Variants in FANCL observed in about 807,000 individuals in gnomAD.
The protein encoded by FANCL is E3 ubiquitin-protein ligase FANCL.
Under a neutral mutation model 59.4 loss-of-function variants are expected in FANCL, and 69 were observed. The observed-to-expected ratio is 1.16, with a 90% CI of 0.96 to 1.42. The LOEUF is 1.42. Ranked by LOEUF, FANCL falls within the 40% of genes most tolerant of loss-of-function variation. The probability of loss-of-function intolerance (pLI) is 0.00; values close to 1 mark genes in which losing one functional copy is unlikely to be tolerated. For missense variants in FANCL, 519 were observed against 447.2 expected (o/e 1.16, Z -1.45); for synonymous variants, 180 against 147.1 (o/e 1.22, Z -1.62).
chr2:58,182,329 T>C (rs1688011892), intron 7 of FANCL, among the ~76,000 whole-genome samples: 1 of 151,820 alleles, frequency 6.6e-6, no homozygotes, highest in South Asian at 2.1e-4. Context: ...CAAGTGATTC[T>C]AATGTGCAGA....
At chr2:58,168,960 T>C (rs561473848) in intron 7 of FANCL, among the ~76,000 whole-genome samples, 8 of 152,252 alleles carry the variant, frequency 5.3e-5, no homozygotes, top group South Asian at 2.1e-4. Flanking sequence ...CAGAGGCTTA[T>C]AGATAAAACT....
rs756487177 is a variant in FANCL at position 58,241,278 on chromosome 2, G to T, written c.36C>A (p.Cys12Ter). Reference sequence around the variant, plus strand: ...ACCGGTTCTGGGGCAGAAGCAGGGGGCACTGGCGCAACAGGCTCGCTTCCG... The same window carrying T: ...ACCGGTTCTGGGGCAGAAGCAGGGGTCACTGGCGCAACAGGCTCGCTTCCG... ...AVTEASLLRQ[C>*]PLLLPQNRSK... Residue 12 changes from cysteine (C) to a stop codon, truncating the protein, a stop_gained, in exon 1 of 14, where the codon TGC (cysteine) becomes TGA (stop). Coordinates refer to ENST00000233741, the MANE Select transcript of FANCL (RefSeq NM_018062.4). LOFTEE classifies it high-confidence loss of function. The T allele has an allele frequency of 1.9e-6, 3 of 1,614,260 alleles. No individual in the cohort carries two copies. The highest frequency in any genetic ancestry group is 1.1e-5 in the South Asian group (1 of 91,082).
At chr2:58,224,880 T>G (rs980203700) in intron 4 of FANCL, among the ~76,000 whole-genome samples, 9 of 151,954 alleles carry the variant, frequency 5.9e-5, no homozygotes, top group African/African-American at 1.9e-4. Flanking sequence ...CATAATTATA[T>G]TCTTTCCAAA....
At chr2:58,210,023 G>A (rs1690975319) in intron 5 of FANCL, among the ~76,000 whole-genome samples, 1 of 152,122 alleles carries the variant, frequency 6.6e-6, no homozygotes, top group South Asian at 2.1e-4. Flanking sequence ...TAGTTGAAGT[G>A]TACTCACTCT....
At chr2:58,164,689 ATTACT>A (rs201782544) in intron 8 of FANCL, among the ~76,000 whole-genome samples, 1,543 of 152,170 alleles carry the variant, frequency 0.01, 13 homozygotes, top group Middle Eastern at 0.024. Context: ...TAACCTGATA[ATTACT>A]TTAATGGGGC....
intron 7 of FANCL, among the ~76,000 whole-genome samples, chr2:58,192,726 A>G (rs1689051522): frequency 6.6e-6 from 1 of 151,952 alleles, no homozygotes; most frequent in Non-Finnish European, 1.5e-5. Context: ...TAATGCCTAA[A>G]ACAAAAAGTA....
At chr2:58,224,005 T>C (rs1449169258) in intron 4 of FANCL, among the ~76,000 whole-genome samples, 2 of 151,886 alleles carry the variant, frequency 1.3e-5, no homozygotes, top group East Asian at 3.9e-4. Flanking sequence ...ATCACCAAAT[T>C]TGTCCGTAAT....
chr2:58,200,638 A>G (rs1466725186), intron 6 of FANCL, among the ~76,000 whole-genome samples: 1 of 151,938 alleles, frequency 6.6e-6, no homozygotes, highest in Non-Finnish European at 1.5e-5. Flanking sequence ...CCCATTAAGT[A>G]CATACACAGC....
intron 7 of FANCL, among the ~76,000 whole-genome samples, chr2:58,190,774 TAATA>T (rs574452757): frequency 2.8e-4 from 42 of 151,938 alleles, no homozygotes; most frequent in Non-Finnish European, 3.7e-4. Flanking sequence ...ATTAATTAAT[TAATA>T]CTGTCTCAGT....
intron 1 of FANCL, among the ~76,000 whole-genome samples, chr2:58,240,705 C>T (rs946465344): frequency 6.6e-6 from 1 of 152,184 alleles, no homozygotes; most frequent in Non-Finnish European, 1.5e-5. Context: ...TGCTGTCATG[C>T]TTCTCCTAGA....
At position 58,159,546 on chromosome 2, in the gene FANCL, G is replaced by A. The variant is rs770485843; in HGVS notation, c.*219C>T. ...AATACACTTCCACAGTCAGCACGGG[G>A]ATCACAGACTTAGAAAGTTCAACTG... On this transcript the variant is annotated 3_prime_UTR_variant, in exon 14 of 14. Transcript: ENST00000233741. The A allele has an allele frequency of 8.7e-6, 14 of 1,613,662 alleles. No individual in the cohort carries two copies. Among genetic ancestry groups the A allele is most frequent in the South Asian group, 7.7e-5 (7 of 91,058 alleles).
intron 9 of FANCL, 135 bp downstream of exon 9, chr2:58,163,299 C>A (rs551180825): frequency 1.2e-4 from 88 of 759,844 alleles, no homozygotes; most frequent in Middle Eastern, 7.8e-4. Context: ...ACATACTGGG[C>A]AACAAGAGCA....
rs186390423 is a variant in FANCL at position 58,219,245 on chromosome 2, C to T, written c.374+2697G>A. Among the ~76,000 whole-genome samples the T allele has an allele frequency of 5.5e-3, 702 of 127,618 alleles. 4 individuals carry two copies. Among genetic ancestry groups the T allele is most frequent in the African/African-American group, 0.019 (664 of 34,544 alleles). The allele number at this position is 127,618 out of a possible 152,430, so 83.7% of individuals were successfully genotyped here. On this transcript the variant is annotated intron_variant, in intron 5 of 13. Transcript: ENST00000233741. ...CCTGTCAAAAGGACACAGGAGCCAACTGAAAGAGCTCTCAATGGCCAAAGC... is the reference window on the plus strand; with the variant it reads ...CCTGTCAAAAGGACACAGGAGCCAATTGAAAGAGCTCTCAATGGCCAAAGC...
At chr2:58,217,837 ATAAT>A (rs1553453414) in intron 5 of FANCL, among the ~76,000 whole-genome samples, 1 of 152,052 alleles carries the variant, frequency 6.6e-6, no homozygotes, top group Non-Finnish European at 1.5e-5. Flanking sequence ...TCTGACACAC[ATAAT>A]TAATAAATGT....
At chr2:58,171,679 G>A (rs546095327) in intron 7 of FANCL, among the ~76,000 whole-genome samples, 47 of 152,338 alleles carry the variant, frequency 3.1e-4, no homozygotes, top group African/African-American at 1.1e-3. Context: ...GGTGAGCGAC[G>A]CAGAAGACGG....
rs904969812 is a variant in FANCL, at chr2:58,198,595, T to C, written c.539A>G (p.Gln180Arg). The C allele has an allele frequency of 1.2e-6, 2 of 1,612,422 alleles. No individual in the cohort carries two copies. Among genetic ancestry groups the C allele is most frequent in the South Asian group, 1.1e-5 (1 of 91,040 alleles). The stretch of plus-strand genomic sequence containing the variant: ...AGAATTTACCTGAGGAGAATTTACC[T>C]GAGGTGTCCAGGAGGCACAAAATGG... ...PVPFCASWTPQSSLISIYSQF... is the reference protein window; with the variant it reads ...PVPFCASWTPRSSLISIYSQF... The change falls in exon 7 of 14, where the codon CAG (glutamine) becomes CGG (arginine). Residue 180 changes from glutamine to arginine, a missense_variant and splice_region_variant. Coordinates refer to ENST00000233741, the MANE Select transcript of FANCL (RefSeq NM_018062.4).
At chr2:58,173,543 A>G (rs1465707364) in intron 7 of FANCL, among the ~76,000 whole-genome samples, 2 of 152,198 alleles carry the variant, frequency 1.3e-5, no homozygotes, top group South Asian at 2.1e-4. Flanking sequence ...ACTAAGCTTC[A>G]TAAGTGAAGG....
intron 4 of FANCL, among the ~76,000 whole-genome samples, chr2:58,223,195 G>C (rs1692655794): frequency 6.6e-6 from 1 of 150,732 alleles, no homozygotes; most frequent in Admixed American, 6.6e-5. Context: ...TATCAATATG[G>C]ATTTAATTAG....
At chr2:58,235,123 T>C (rs1397349440) in intron 1 of FANCL, among the ~76,000 whole-genome samples, 4 of 151,806 alleles carry the variant, frequency 2.6e-5, no homozygotes, top group African/African-American at 4.8e-5. Context: ...AGGCCAACAA[T>C]TGTACAATTC....
Sources: gnomAD v4.1 joint callset for allele counts (sites outside exome capture counted in the v4.1 genomes callset) on GRCh38, gnomAD v4.1.1 for gene constraint, MANE v1.5 for transcripts, NCBI Gene and HGNC (gene_info 2026-07-23, HGNC 2026-07-21) for gene names.